The following ERICH3 variants were observed in gnomAD, a reference collection of about 807,000 sequenced individuals.
ERICH3 encodes the protein glutamate rich 3.
A neutral mutation model predicts 131.1 loss-of-function variants in ERICH3; 126 were observed. That is an observed-to-expected ratio of 0.96 (90% CI 0.83 to 1.11). The LOEUF (loss-of-function observed/expected upper bound fraction) is 1.11. Ranked by LOEUF, ERICH3 falls within the 50% of genes most tolerant of loss-of-function variation. The probability of loss-of-function intolerance (pLI) is 0.00; values close to 1 mark genes in which losing one functional copy is unlikely to be tolerated. For missense variants in ERICH3, 2,050 were observed against 1,810.7 expected, an observed-to-expected ratio of 1.13 and a Z score of -2.40; for synonymous variants, 695 against 644.6, an observed-to-expected ratio of 1.08 and a Z score of -1.18.
chr1:74,616,466 G>A (rs948992136), intron 8 of ERICH3, among the ~76,000 whole-genome samples: 8 of 152,132 alleles, frequency 5.3e-5, no homozygotes, highest in African/African-American at 1.9e-4. Flanking sequence ...GGATCAGAGA[G>A]GGCTCAACCT....
intron 8 of ERICH3, among the ~76,000 whole-genome samples, chr1:74,617,130 G>T (rs1003277968): frequency 4.6e-4 from 65 of 140,892 alleles, no homozygotes; most frequent in African/African-American, 1.7e-3. Flanking sequence ...AAATTTCACA[G>T]ATTTAATTTT....
At chr1:74,590,150 T>A in intron 11 of ERICH3, 70 bp from the exon 12 acceptor site, 1 of 1,300,432 alleles carries the variant, frequency 7.7e-7, no homozygotes. Flanking sequence ...AAAAATTATG[T>A]TAGCAATTAA....
intron 11 of ERICH3, among the ~76,000 whole-genome samples, chr1:74,596,002 A>G (rs1162427365): frequency 6.6e-6 from 1 of 152,080 alleles, no homozygotes; most frequent in African/African-American, 2.4e-5. Flanking sequence ...AAGAATTTCA[A>G]CACAGGAGAA....
chr1:74,639,419 T>C (rs1271636095), intron 5 of ERICH3, among the ~76,000 whole-genome samples: 1 of 152,204 alleles, frequency 6.6e-6, no homozygotes, highest in Admixed American at 6.6e-5. Context: ...AAAGCAAATC[T>C]GCACCATTAA....
In ERICH3 at chr1:74,636,336, A is replaced by C; in HGVS notation, c.547T>G (p.Ser183Ala). The change falls in exon 6 of 15, where the codon TCA (serine) becomes GCA (alanine). Residue 183 changes from serine to alanine, a missense_variant. Physicochemically the swap from Ser to Ala is moderately conservative, Grantham distance 99. Coordinates refer to ENST00000326665, the MANE Select transcript of ERICH3 (RefSeq NM_001002912.5). Reference protein sequence around the residue: ...PAVETVPKVTSRSRSKTSLLE... With the variant: ...PAVETVPKVTARSRSKTSLLE... ...AATGAGGTTTTTGATCTGGACCTTG[A>C]AGTTACCTTTGGAACAGTTTCTACT... The C allele has an allele frequency of 6.2e-7, 1 of 1,613,028 alleles. No homozygotes were observed. Among genetic ancestry groups the C allele is most frequent in the Non-Finnish European group, 8.5e-7 (1 of 1,179,258 alleles).
chr1:74,577,635 C>T (rs140460512), intron 12 of ERICH3: 13 of 152,090 alleles, frequency 8.5e-5, no homozygotes, highest in Admixed American at 3.9e-4. Flanking sequence ...ATAAACAACT[C>T]CCAAGCTATG....
chr1:74,612,177 C>T (rs1348908755), intron 9 of ERICH3, among the ~76,000 whole-genome samples: 2 of 152,118 alleles, frequency 1.3e-5, no homozygotes, highest in Non-Finnish European at 2.9e-5. Flanking sequence ...TGCAGGCAAA[C>T]CTAACCTCTA....
Position 74,573,365 on chromosome 1 carries a change from T to A in ERICH3, c.2345A>T (p.Gln782Leu), listed in dbSNP as rs1331892939. 1.2e-6 allele frequency: 2 copies of A among 1,610,664 alleles called. No individual in the cohort carries two copies. The highest frequency in any genetic ancestry group is 3.4e-5 in the Admixed American group (2 of 59,160). Residue 782 changes from glutamine (Q) to leucine (L), a missense_variant, in exon 14 of 15, where the codon CAG becomes CTG. Physicochemically the swap from Gln to Leu is moderately radical, Grantham distance 113 (BLOSUM62 -2). Transcript: ENST00000326665. ...CTGTACTATGTCAGCATCTCTGTGC[T>A]GGGGCGCTTCATCTTCCTCCATTGC... ...KEAMEEDEAP[Q>L]HRDADIVQGK...
intron 13 of ERICH3, 80 bp from the exon 14 acceptor site, chr1:74,573,571 T>C (rs1227941200): frequency 1.5e-6 from 2 of 1,365,354 alleles, no homozygotes; most frequent in Non-Finnish European, 1.9e-6. Flanking sequence ...TATATCACAC[T>C]TATTTACAGT....
At position 74,589,867 on chromosome 1, in the gene ERICH3, T is replaced by A. The variant is rs1557672039; in HGVS notation, c.1940A>T (p.Gln647Leu). Residue 647 changes from glutamine to leucine, a missense_variant, in exon 12 of 15, where the codon CAA becomes CTA. Gln to Leu is a moderately radical substitution (Grantham distance 113). Coordinates refer to ENST00000326665, the MANE Select transcript of ERICH3 (RefSeq NM_001002912.5). ...CTCCACATCTGCTTTTGTTATTTCTTGGTCTTCAATTTCAATTTCTAAGGA... is the reference window on the plus strand; with the variant it reads ...CTCCACATCTGCTTTTGTTATTTCTAGGTCTTCAATTTCAATTTCTAAGGA... ...EESLEIEIED[Q>L]EITKADVETK... The A allele has an allele frequency of 6.2e-7, 1 of 1,614,134 alleles. No individual in the cohort carries two copies. The highest frequency in any genetic ancestry group is 2.2e-5 in the East Asian group (1 of 44,874).
chr1:74,647,171 A>T (rs141580853), intron 2 of ERICH3, among the ~76,000 whole-genome samples: 4 of 152,250 alleles, frequency 2.6e-5, no homozygotes, highest in Admixed American at 2.6e-4. Context: ...CAAGATTTTC[A>T]TCACAGTAAC....
In ERICH3 at chr1:74,606,916, T is replaced by G; in HGVS notation, c.1188-14A>C. The G allele has an allele frequency of 1.2e-6, 2 of 1,602,732 alleles. No homozygotes were observed. Among genetic ancestry groups the G allele is most frequent in the Non-Finnish European group, 1.7e-6 (2 of 1,174,772 alleles). Reference sequence around the variant, plus strand: ...GCAATAATGCACCTATGAAAAATATTAGCAGGAAGTGTTTGTTAACCCTTG... The same window carrying G: ...GCAATAATGCACCTATGAAAAATATGAGCAGGAAGTGTTTGTTAACCCTTG... On this transcript the variant is annotated splice_polypyrimidine_tract_variant and intron_variant, in intron 9 of 14. Transcript: ENST00000326665.
rs1386748539 is a variant in ERICH3 at position 74,572,754 on chromosome 1, C to A, written c.2956G>T (p.Glu986Ter). 1.9e-6 allele frequency: 3 copies of A among 1,613,962 alleles called. No homozygotes were observed. Among genetic ancestry groups the A allele is most frequent in the Admixed American group, 3.3e-5 (2 of 60,016 alleles). Residue 986 changes from glutamate to a stop codon, truncating the protein, a stop_gained, in exon 14 of 15, where the codon GAG becomes TAG. Transcript: ENST00000326665. LOFTEE classifies it high-confidence loss of function. ...AAGCGTGTTTCTGTTCTCATAACCT[C>A]TTTTCTCTCTTTGGCTGGTTCCTCT... ...GGEEPAKERK[E>*]VMRTETRLSP...
chr1:74,598,065 T>C (rs3845355), intron 11 of ERICH3, among the ~76,000 whole-genome samples: 60,191 of 151,748 alleles, frequency 0.4, 13,192 homozygotes, highest in Non-Finnish European at 0.5. Context: ...TTTTTATTTC[T>C]CTTTCTTTTA....
At chr1:74,591,092 G>A (rs540096800) in intron 11 of ERICH3, among the ~76,000 whole-genome samples, 1 of 152,258 alleles carries the variant, frequency 6.6e-6, no homozygotes, top group South Asian at 2.1e-4. Flanking sequence ...TAAGATCTGT[G>A]TATTTGGCCA....
chr1:74,648,927 A>G (rs539418609), intron 2 of ERICH3, among the ~76,000 whole-genome samples: 4 of 152,194 alleles, frequency 2.6e-5, no homozygotes, highest in South Asian at 4.1e-4. Flanking sequence ...ACCTCATACA[A>G]TGTGTTCAAT....
At chr1:74,651,948 G>T (rs899190509) in intron 1 of ERICH3, among the ~76,000 whole-genome samples, 2 of 152,116 alleles carry the variant, frequency 1.3e-5, no homozygotes, top group African/African-American at 4.8e-5. Context: ...ATGTGTGCAC[G>T]ATGCCTGTCC....
At chr1:74,665,396 T>TATCA (rs541826277) in intron 1 of ERICH3, among the ~76,000 whole-genome samples, 3 of 152,142 alleles carry the variant, frequency 2.0e-5, no homozygotes, top group East Asian at 1.9e-4. Flanking sequence ...CCCCATATGT[T>TATCA]ATCAATCAAT....
At chr1:74,596,374 A>T (rs764601145) in intron 11 of ERICH3, among the ~76,000 whole-genome samples, 3 of 151,996 alleles carry the variant, frequency 2.0e-5, no homozygotes, top group Admixed American at 2.0e-4. Flanking sequence ...GTATATATTT[A>T]TGAGACACAA....
Sources: gnomAD v4.1 joint callset for allele counts (sites outside exome capture counted in the v4.1 genomes callset) on GRCh38, gnomAD v4.1.1 for gene constraint, MANE v1.5 for transcripts, NCBI Gene and HGNC (gene_info 2026-07-23, HGNC 2026-07-21) for gene names.